TBC1D9: variants seen among roughly 807,000 people sequenced by gnomAD.
TBC1D9 encodes TBC1 domain family member 9, also known as TBC1 domain family member 9A.
TBC1D9 carries 63 observed loss-of-function variants against 132.0 expected under a neutral mutation model. That is an observed-to-expected ratio of 0.48 (90% CI 0.39 to 0.59). The LOEUF is 0.59. TBC1D9 is among the 20% of genes least tolerant of loss of function. TBC1D9 has a pLI of 0.00. For synonymous variants in TBC1D9, 610 were observed against 609.9 expected, an observed-to-expected ratio of 1.00 and a Z score of 0.00; for missense variants, 1,261 against 1,592.7, an observed-to-expected ratio of 0.79 and a Z score of 3.54.
chr4:140,663,480 T>TATAGAG (rs1478908407), intron 9 of TBC1D9, among the ~76,000 whole-genome samples: 1 of 152,174 alleles, frequency 6.6e-6, no homozygotes, highest in Non-Finnish European at 1.5e-5. Context: ...CAGAAAACAG[T>TATAGAG]ATAGAGATTC....
At chr4:140,712,278 A>C (rs1332099590) in intron 1 of TBC1D9, 1 of 150,758 alleles carries the variant, frequency 6.6e-6, no homozygotes, top group East Asian at 2.0e-4. Context: ...TCAATGCTAC[A>C]AACTGGTACG....
At chr4:140,744,531 G>C (rs1738808696) in intron 1 of TBC1D9, among the ~76,000 whole-genome samples, 1 of 152,278 alleles carries the variant, frequency 6.6e-6, no homozygotes, top group South Asian at 2.1e-4. Context: ...AAAGGTCTGA[G>C]TAGAAAACAC....
chr4:140,725,102 G>A (rs1204080596), intron 1 of TBC1D9, among the ~76,000 whole-genome samples: 1 of 152,082 alleles, frequency 6.6e-6, no homozygotes, highest in Non-Finnish European at 1.5e-5. Context: ...AATAACATAT[G>A]TACACGGCTA....
chr4:140,692,089 A>T (rs533475961), intron 2 of TBC1D9, among the ~76,000 whole-genome samples: 60 of 152,380 alleles, frequency 3.9e-4, no homozygotes, highest in Middle Eastern at 3.4e-3. Flanking sequence ...GAACTTGAGA[A>T]AAACCTGTAT....
intron 1 of TBC1D9, among the ~76,000 whole-genome samples, chr4:140,707,104 A>G (rs1261713421): frequency 1.4e-5 from 2 of 143,292 alleles, no homozygotes; most frequent in African/African-American, 2.6e-5. Flanking sequence ...TCTCCATAAT[A>G]TCTCCAATAC....
chr4:140,702,921 C>T (rs1283343995), intron 1 of TBC1D9, among the ~76,000 whole-genome samples: 1 of 152,104 alleles, frequency 6.6e-6, no homozygotes. Flanking sequence ...TAGCCCAAGA[C>T]ACTTTATTTC....
chr4:140,735,718 TAAATAA>T (rs1738663433), intron 1 of TBC1D9, among the ~76,000 whole-genome samples: 1 of 152,066 alleles, frequency 6.6e-6, no homozygotes, highest in African/African-American at 2.4e-5. Context: ...CTTAAATAAG[TAAATAA>T]AAATAAAAGT....
intron 16 of TBC1D9, among the ~76,000 whole-genome samples, chr4:140,632,417 T>C (rs1415352742): frequency 6.6e-6 from 1 of 152,180 alleles, no homozygotes; most frequent in East Asian, 1.9e-4. Context: ...ATATATCACT[T>C]GTGTAACTAA....
intron 9 of TBC1D9, among the ~76,000 whole-genome samples, chr4:140,663,073 A>G (rs1437996574): frequency 6.6e-6 from 1 of 152,218 alleles, no homozygotes; most frequent in Non-Finnish European, 1.5e-5. Context: ...GCATCAAACT[A>G]AAAAGCTCTG....
At chr4:140,638,036 C>A (rs755730417) in intron 15 of TBC1D9, among the ~76,000 whole-genome samples, 99 of 152,184 alleles carry the variant, frequency 6.5e-4, no homozygotes, top group Non-Finnish European at 1.0e-3. Context: ...CAGTGGTGCC[C>A]TCCAGTGGTG....
At chr4:140,729,634 A>T (rs1275225544) in intron 1 of TBC1D9, among the ~76,000 whole-genome samples, 3 of 152,068 alleles carry the variant, frequency 2.0e-5, no homozygotes, top group Non-Finnish European at 4.4e-5. Flanking sequence ...CCTGGCCAAC[A>T]TGGTGAAACT....
chr4:140,662,285 T>G (rs1214582532), intron 9 of TBC1D9, among the ~76,000 whole-genome samples, 178 bp from the exon 10 acceptor site: 1 of 152,216 alleles, frequency 6.6e-6, no homozygotes, highest in Admixed American at 6.5e-5. Context: ...AATTTGCCTG[T>G]GGCCTCCTTC....
chr4:140,709,829 G>A (rs1738211239), intron 1 of TBC1D9, among the ~76,000 whole-genome samples: 1 of 152,202 alleles, frequency 6.6e-6, no homozygotes, highest in Non-Finnish European at 1.5e-5. Flanking sequence ...TGCATGTGCA[G>A]TTCGCAATAG....
chr4:140,754,070 G>T (rs1738966360), intron 1 of TBC1D9, among the ~76,000 whole-genome samples: 1 of 152,184 alleles, frequency 6.6e-6, no homozygotes, highest in African/African-American at 2.4e-5. Context: ...AGTGAAAGAA[G>T]TCATTGATGA....
chr4:140,667,743 A>G (rs2111007051), intron 9 of TBC1D9, among the ~76,000 whole-genome samples: 1 of 152,316 alleles, frequency 6.6e-6, no homozygotes, highest in Non-Finnish European at 1.5e-5. Context: ...TACAAAAAGA[A>G]AGAAGGAAAG....
Position 140,662,422 on chromosome 4 carries a change from G to C in TBC1D9, c.1589-315C>G, listed in dbSNP as rs374362893. Among the ~76,000 whole-genome samples the C allele has an allele frequency of 7.9e-5, 12 of 152,272 alleles. No individual in the cohort carries two copies. In the East Asian group the frequency reaches 2.3e-3, roughly 29 times the overall value. On this transcript the variant is annotated intron_variant, in intron 9 of 20. Coordinates refer to ENST00000442267, the MANE Select transcript of TBC1D9 (RefSeq NM_015130.3). Reference sequence around the variant, plus strand: ...TGAAGGGCTGCTTAGGAGCACAGGTGGGGAGGTCATCATAACAAGCCAGGC... The same window carrying C: ...TGAAGGGCTGCTTAGGAGCACAGGTCGGGAGGTCATCATAACAAGCCAGGC...
In TBC1D9 at chr4:140,709,219, ATCTCTCTC is replaced by A. The variant is rs145661338; in HGVS notation, c.131-7613_131-7606del. 1.5e-3 allele frequency among the ~76,000 whole-genome samples: 134 copies of A among 88,232 alleles called. 1 individual carries two copies. Among genetic ancestry groups the A allele is most frequent in the African/African-American group, 4.9e-3 (131 of 26,720 alleles). The allele number at this position is 88,232 out of a possible 152,430, so 57.9% of individuals were successfully genotyped here. On this transcript the variant is annotated intron_variant, in intron 1 of 20. Transcript: ENST00000442267. ...TACCTGTGGGGAAGGAACCAGCCTT[ATCTCTCTC>A]TCTCTCTCTCTCTCTCTCTCTCACA...
chr4:140,717,590 A>G (rs1738354751), intron 1 of TBC1D9, among the ~76,000 whole-genome samples: 1 of 152,238 alleles, frequency 6.6e-6, no homozygotes, highest in Admixed American at 6.5e-5. Flanking sequence ...AAAATGGGCA[A>G]GGGCAGCACT....
At chr4:140,624,689 C>A (rs1736678884) in intron 18 of TBC1D9, among the ~76,000 whole-genome samples, 1 of 152,118 alleles carries the variant, frequency 6.6e-6, no homozygotes, top group African/African-American at 2.4e-5. Context: ...TTTTATCTGA[C>A]AACACTATCT....
Sources: gnomAD v4.1 joint callset for allele counts (sites outside exome capture counted in the v4.1 genomes callset) on GRCh38, gnomAD v4.1.1 for gene constraint, MANE v1.5 for transcripts, NCBI Gene and HGNC (gene_info 2026-07-23, HGNC 2026-07-21) for gene names.